Variants in RBM23 observed in about 807,000 individuals in gnomAD.
The protein encoded by RBM23 is probable RNA-binding protein 23.
In RBM23, 53 loss-of-function variants were observed where a neutral mutation model predicts 56.2. That is an observed-to-expected ratio of 0.94 (90% confidence interval 0.76 to 1.19). RBM23 has a LOEUF of 1.19. RBM23 is among the 50% of genes most tolerant of loss of function. The pLI, the probability that RBM23 is intolerant of heterozygous loss-of-function variation, is 0.00. For missense variants in RBM23, 642 were observed against 590.3 expected, an observed-to-expected ratio of 1.09 and a Z score of -0.91; for synonymous variants, 197 against 198.5, an observed-to-expected ratio of 0.99 and a Z score of 0.06.
chr14:22,907,666 A>G (rs775946203), intron 4 of RBM23, among the ~76,000 whole-genome samples: 1 of 152,252 alleles, frequency 6.6e-6, no homozygotes, highest in Non-Finnish European at 1.5e-5. Flanking sequence ...TGTATTTACT[A>G]TATTTATCAT....
chr14:22,911,530 A>G (rs2042519855), intron 1 of RBM23, 127 bp from the exon 2 acceptor site: 1 of 712,834 alleles, frequency 1.4e-6, no homozygotes, highest in Admixed American at 2.7e-5. Flanking sequence ...TGTTTCTTGA[A>G]CTGCAAAGAA....
At chr14:22,909,381 C>T in intron 3 of RBM23, 102 bp downstream of exon 3, 1 of 875,010 alleles carries the variant, frequency 1.1e-6, no homozygotes, top group Non-Finnish European at 1.9e-6. Context: ...TAACAGTCAG[C>T]AGTCTTAACA....
At chr14:22,915,388 C>G (rs1280221829) in intron 1 of RBM23, among the ~76,000 whole-genome samples, 2 of 150,172 alleles carry the variant, frequency 1.3e-5, no homozygotes, top group South Asian at 4.2e-4. Context: ...TTAGTAGAGA[C>G]CAGGTTTTCC....
In RBM23 at chr14:22,909,496, C is replaced by A. The variant is rs1172211165; in HGVS notation, c.166G>T (p.Gly56Trp). 1 of 1,613,020 alleles carries A rather than the reference C, an allele frequency of 6.2e-7. No homozygotes were observed. The highest frequency in any genetic ancestry group is 2.2e-5 in the East Asian group (1 of 44,888). The change falls in exon 3 of 14, where the codon GGG becomes TGG. Residue 56 changes from glycine to tryptophan, a missense_variant. Coordinates refer to ENST00000359890, the MANE Select transcript of RBM23 (RefSeq NM_001077351.2). ...TCCCACACTCACTTGCTTGTCTCCC[C>A]GATGGTGCTGCTTCCACTGGTCTCA... Reference protein sequence around the residue: ...GNETSGSSTIGETSKKKRSRS... With the variant: ...GNETSGSSTIWETSKKKRSRS...
intron 1 of RBM23, among the ~76,000 whole-genome samples, chr14:22,912,204 A>G (rs4981446): frequency 0.57 from 86,120 of 152,084 alleles, 25,284 homozygotes; most frequent in East Asian, 0.79. Context: ...AAATATAGGC[A>G]CATTATGTCC....
Position 22,903,728 on chromosome 14 carries a change from T to C in RBM23, c.930+533A>G, listed in dbSNP as rs10143133. 5,155 of 1,012,318 alleles carry C rather than the reference T, an allele frequency of 5.1e-3. 203 individuals are homozygous for C. In the African/African-American group the frequency reaches 0.077, roughly 15 times the overall value. 62.7% of individuals were successfully genotyped at this position (1,012,318 alleles called of 1,614,324 possible). On this transcript the variant is annotated intron_variant, in intron 10 of 13. Coordinates refer to ENST00000359890, the MANE Select transcript of RBM23 (RefSeq NM_001077351.2). ...GGGCTGGAAGAACCAGTTATAGGAA[T>C]TGGCAACCATTTTGTTGGAATGTCA...
intron 1 of RBM23, among the ~76,000 whole-genome samples, chr14:22,913,204 G>T (rs1168948692): frequency 6.6e-6 from 1 of 150,478 alleles, no homozygotes; most frequent in East Asian, 2.0e-4. Context: ...CACGAGGTCA[G>T]GAGATCGAGA....
At position 22,901,649 on chromosome 14, in the gene RBM23, T is replaced by C. The variant is rs2040494748; in HGVS notation, c.*81A>G. 6.4e-7 allele frequency: 1 copy of C among 1,560,120 alleles called. No individual in the cohort carries two copies. Among genetic ancestry groups the C allele is most frequent in the African/African-American group, 1.4e-5 (1 of 73,504 alleles). ...CCTCAGGATGGCTTGGTCCACAAAA[T>C]GGAGAAATGGGGCCATGGAAGAGTA... On this transcript the variant is annotated 3_prime_UTR_variant, in exon 14 of 14. Transcript: ENST00000359890.
chr14:22,901,583 C>T lies in RBM23; in HGVS notation c.*147G>A. The T allele has an allele frequency of 8.2e-7, 1 of 1,219,648 alleles. No individual in the cohort carries two copies. Among genetic ancestry groups the T allele is most frequent in the Admixed American group, 2.0e-5 (1 of 49,668 alleles). The allele number at this position is 1,219,648 out of a possible 1,614,324, so 75.6% of individuals were successfully genotyped here. On this transcript the variant is annotated 3_prime_UTR_variant, in exon 14 of 14. Coordinates refer to ENST00000359890, the MANE Select transcript of RBM23 (RefSeq NM_001077351.2). ...CATGGGCAGGAGCTTTTCTTGGTAT[C>T]TTAAGGGTGGCCCCAATTTCCTCAG...
chr14:22,909,585 T>G lies in RBM23; in HGVS notation c.77A>C (p.Gln26Pro). The G allele has an allele frequency of 6.2e-7, 1 of 1,613,454 alleles. No individual in the cohort carries two copies. Among genetic ancestry groups the G allele is most frequent in the East Asian group, 2.2e-5 (1 of 44,874 alleles). ...ATAATCCTTTTTAACTTCTTTCCTT[T>G]GTTGCTCATCCTGAGGCATTCACCA... is the stretch of plus-strand genomic sequence containing the variant. The part of the protein sequence containing the change: ...APYKKEEDEQ[Q>P]RKEVKKDYPS... Residue 26 changes from glutamine (Q) to proline (P), a missense_variant, in exon 3 of 14, where the codon CAA (glutamine) becomes CCA (proline). Gln to Pro is a moderately conservative substitution (Grantham distance 76). Coordinates refer to ENST00000359890, the MANE Select transcript of RBM23 (RefSeq NM_001077351.2).
intron 1 of RBM23, among the ~76,000 whole-genome samples, chr14:22,914,240 G>A (rs1301448214): frequency 6.7e-6 from 1 of 148,702 alleles, no homozygotes; most frequent in African/African-American, 2.5e-5. Context: ...CAGGGGAATC[G>A]TTTGAACCCG....
chr14:22,911,304 C>A (rs1188705295), intron 2 of RBM23, 24 bp downstream of exon 2: 5 of 1,606,372 alleles, frequency 3.1e-6, no homozygotes, highest in Admixed American at 3.4e-5. Context: ...AACCCAATTC[C>A]AGGAGTGAGG....
intron 1 of RBM23, chr14:22,913,686 A>G (rs1207361074): frequency 6.6e-6 from 1 of 151,806 alleles, no homozygotes; most frequent in Non-Finnish European, 1.5e-5. Context: ...CATCTCTACT[A>G]AAAATACAAA....
At chr14:22,911,629 T>TC in intron 1 of RBM23, 1 of 345,324 alleles carries the variant, frequency 2.9e-6, no homozygotes, top group Non-Finnish European at 5.5e-6. Context: ...CAGTCAAGGA[T>TC]AGTCCGGGCG....
chr14:22,903,422 C>T lies in RBM23; in HGVS notation c.930+839G>A, dbSNP rs990212371. 5.1e-6 allele frequency: 5 copies of T among 985,318 alleles called. No homozygotes were observed. In the African/African-American group the frequency reaches 8.7e-5, roughly 17 times the overall value. The allele number at this position is 985,318 out of a possible 1,614,324, so 61.0% of individuals were successfully genotyped here. On this transcript the variant is annotated intron_variant, in intron 10 of 13. Transcript: ENST00000359890. ...AAAGGTTACAAAAGTTACTTGCCAC[C>T]ACAGAATTGTCAACACCACAGCTAG...
intron 3 of RBM23, among the ~76,000 whole-genome samples, chr14:22,909,100 G>A (rs1264734268): frequency 3.9e-5 from 6 of 152,074 alleles, no homozygotes; most frequent in African/African-American, 1.2e-4. Flanking sequence ...CTGCCACCGC[G>A]CCCAGCTAAT....
chr14:22,909,344 T>C, intron 3 of RBM23, 139 bp downstream of exon 3: 2 of 711,538 alleles, frequency 2.8e-6, no homozygotes, highest in South Asian at 3.2e-5. Context: ...GTCACCATTA[T>C]TCTCATGACC....
chr14:22,901,869 G>A lies in RBM23; in HGVS notation c.1261C>T (p.Leu421=). The A allele has an allele frequency of 1.9e-6, 3 of 1,614,204 alleles. No homozygotes were observed. The highest frequency in any genetic ancestry group is 2.5e-6 in the Non-Finnish European group (3 of 1,180,020). Residue 421 remains leucine (L), a synonymous_variant, in exon 13 of 14, where the codon CTG becomes TTG. Transcript: ENST00000359890. The part of the protein sequence containing the change: ...PAALTALSPA[L]NLASQCFQLS... Reference sequence around the variant, plus strand: ...TGGAAACACTGGGAGGCAAGGTTCAGGGCTGGACTCAGAGCTAGAACAAAG... The same window carrying A: ...TGGAAACACTGGGAGGCAAGGTTCAAGGCTGGACTCAGAGCTAGAACAAAG...
chr14:22,903,457 C>T, intron 10 of RBM23: 1 of 985,486 alleles, frequency 1.0e-6, no homozygotes, highest in Non-Finnish European at 1.2e-6. Context: ...GCTTGTTTAG[C>T]TAGCTAGCAG....
Sources: gnomAD v4.1 joint callset for allele counts (sites outside exome capture counted in the v4.1 genomes callset) on GRCh38, gnomAD v4.1.1 for gene constraint, MANE v1.5 for transcripts, NCBI Gene and HGNC (gene_info 2026-07-23, HGNC 2026-07-21) for gene names.